The following MUC5B variants were observed in gnomAD, a reference collection of about 807,000 sequenced individuals.
The protein encoded by MUC5B is mucin 5B, oligomeric mucus/gel-forming, also known as mucin-5B.
MUC5B carries 116 observed loss-of-function variants against 376.9 expected under a neutral mutation model. The ratio of observed to expected loss-of-function variants is 0.31; its 90% CI spans 0.26 to 0.36. The LOEUF is 0.36. MUC5B is among the 10% of genes least tolerant of loss of function. The probability of loss-of-function intolerance (pLI) is 1.00; values close to 1 mark genes in which losing one functional copy is unlikely to be tolerated. For synonymous variants in MUC5B, 3,517 were observed against 3,390.9 expected (o/e 1.04, Z -1.29); for missense variants, 7,165 against 7,769.9 (o/e 0.92, Z 2.93).
intron 2 of MUC5B, 86 bp from the exon 3 acceptor site, chr11:1,226,119 G>C: frequency 7.4e-7 from 1 of 1,353,522 alleles, no homozygotes; most frequent in Non-Finnish European, 1.0e-6. Flanking sequence ...AACTCTGGTG[G>C]CTGGCGAGGA....
chr11:1,255,011 C>T (rs1421130816), intron 35 of MUC5B, 30 bp from the exon 36 acceptor site: 1 of 1,552,250 alleles, frequency 6.4e-7, no homozygotes, highest in Non-Finnish European at 8.7e-7. Flanking sequence ...TCCCCAGATT[C>T]CAGCCCCGCG....
At position 1,229,694 on chromosome 11, in the gene MUC5B, G is replaced by T. The variant is rs373789455; in HGVS notation, c.1107G>T (p.Thr369=). 6 of 1,572,318 alleles carry T rather than the reference G, an allele frequency of 3.8e-6. No homozygotes were observed. In the African/African-American group the frequency reaches 8.1e-5, roughly 21 times the overall value. Residue 369 remains threonine (T), a synonymous_variant, in exon 10 of 49, where the codon ACG becomes ACT. Transcript: ENST00000529681. Reference sequence around the variant, plus strand: ...GCCTCACGCCGCGCCCCACAGGCACGGTGCTGGATGACATCACGCACTCTG... The same window carrying T: ...GCCTCACGCCGCGCCCCACAGGCACTGTGCTGGATGACATCACGCACTCTG... The part of the protein sequence containing the change: ...CVDGCFCPPG[T]VLDDITHSGC...
chr11:1,239,284 G>A, intron 26 of MUC5B, 154 bp from the exon 27 acceptor site: 1 of 1,051,590 alleles, frequency 9.5e-7, no homozygotes, highest in Non-Finnish European at 1.3e-6. Context: ...GGAGGGGAAG[G>A]TGAGGCACCA....
chr11:1,227,141 C>T lies in MUC5B; in HGVS notation c.572C>T (p.Ala191Val). The change falls in exon 5 of 49, where the codon GCC becomes GTC. Residue 191 changes from alanine to valine, a missense_variant. Physicochemically the swap from Ala to Val is moderately conservative, Grantham distance 64. Around this residue, in one of 31 missense-constraint regions of MUC5B, gnomAD observed 640 missense variants for 733.0 expected, o/e 0.87. Transcript: ENST00000529681. ...LTFLWNGEDS[A>V]LLELDPKYAN... ...TTCCTGTGGAACGGAGAGGACAGTG[C>T]CCTGGTGAGGAAGCCCCCTCGCCCC... 1 of 1,610,478 alleles carries T rather than the reference C, an allele frequency of 6.2e-7. No homozygotes were observed. Among genetic ancestry groups the T allele is most frequent in the African/African-American group, 1.3e-5 (1 of 75,026 alleles).
chr11:1,251,865 A>G (rs183434486), intron 31 of MUC5B, 122 bp downstream of exon 31: 61 of 745,616 alleles, frequency 8.2e-5, no homozygotes, highest in Non-Finnish European at 8.6e-6. Flanking sequence ...CACTGGCCTC[A>G]CTTGGCCCCT....
rs773577375 is a variant in MUC5B, at chr11:1,246,551, C to T, written c.9671C>T (p.Ala3224Val). The T allele has an allele frequency of 2.5e-5, 40 of 1,612,822 alleles. No homozygotes were observed. The highest frequency in any genetic ancestry group is 3.3e-5 in the Non-Finnish European group (39 of 1,179,552). Reference protein sequence around the residue: ...SSPGTATALPALRSTATTPTA... With the variant: ...SSPGTATALPVLRSTATTPTA... ...CCAGGGACTGCAACCGCCCTTCCAG[C>T]ACTGAGAAGCACAGCCACCACACCC... Residue 3224 changes from alanine (A) to valine (V), a missense_variant, in exon 31 of 49, where the codon GCA becomes GTA. Coordinates refer to ENST00000529681, the MANE Select transcript of MUC5B (RefSeq NM_002458.3).
rs768703220 is a variant in MUC5B at position 1,247,505 on chromosome 11, C to G, written c.10625C>G (p.Thr3542Arg). The change falls in exon 31 of 49, where the codon ACA becomes AGA. Residue 3542 changes from threonine (T) to arginine (R), a missense_variant. This residue lies in a region of MUC5B where 939 missense variants were observed against 770.6 expected (regional missense o/e 1.22). Coordinates refer to ENST00000529681, the MANE Select transcript of MUC5B (RefSeq NM_002458.3). ...AGGGGCACCTCCAGGACCACAGCCA[C>G]AGCCACACCCAGCAAGACCCGCACC... Reference protein sequence around the residue: ...HTRGTSRTTATATPSKTRTST... With the variant: ...HTRGTSRTTARATPSKTRTST... 1.9e-6 allele frequency: 3 copies of G among 1,608,494 alleles called. No homozygotes were observed. Among genetic ancestry groups the G allele is most frequent in the Non-Finnish European group, 2.5e-6 (3 of 1,177,766 alleles).
chr11:1,251,670 A>C lies in MUC5B; in HGVS notation c.14790A>C (p.Arg4930Ser), dbSNP rs1412382132. Residue 4930 changes from arginine (R) to serine (S), a missense_variant, in exon 31 of 49, where the codon AGA becomes AGC. By Grantham distance (110) the Arg-to-Ser change is moderately radical. Transcript: ENST00000529681. ...TVSSSVLTTL[R>S]PTGFPSSHFS... is the part of the protein sequence containing the mutation. ...CCTCCTCAGTCCTCACCACCCTGAG[A>C]CCCACTGGCTTCCCCAGCTCCCACT... 2 of 1,612,880 alleles carry C rather than the reference A, an allele frequency of 1.2e-6. No individual in the cohort carries two copies. Among genetic ancestry groups the C allele is most frequent in the African/African-American group, 2.7e-5 (2 of 74,912 alleles).
rs1421119094 is a variant in MUC5B at position 1,229,990 on chromosome 11, G to C, written c.1221-15G>C. On this transcript the variant is annotated splice_polypyrimidine_tract_variant and intron_variant, in intron 10 of 48. Transcript: ENST00000529681. ...CTCCCGACATGCCGGTTCTGCTCACGGCCTCCCTCCCCAGCACCTGCTCCG... is the reference window on the plus strand; with the variant it reads ...CTCCCGACATGCCGGTTCTGCTCACCGCCTCCCTCCCCAGCACCTGCTCCG... 1.9e-6 allele frequency: 3 copies of C among 1,580,534 alleles called. No homozygotes were observed. The highest frequency in any genetic ancestry group is 1.1e-5 in the South Asian group (1 of 87,898).
Position 1,241,932 on chromosome 11 carries a change from T to C in MUC5B, c.5052T>C (p.Thr1684=). ...CGCCTGCAGGCTCCACAGAACCCAC[T>C]GTCCCAGGGGTGGCCACATCCACCC... is the stretch of plus-strand genomic sequence containing the variant. The part of the protein sequence containing the change: ...PTTPAGSTEP[T]VPGVATSTLP... Residue 1684 remains threonine, a synonymous_variant, in exon 31 of 49, where the codon ACT becomes ACC. Coordinates refer to ENST00000529681, the MANE Select transcript of MUC5B (RefSeq NM_002458.3). The C allele has an allele frequency of 6.2e-7, 1 of 1,608,484 alleles. No homozygotes were observed. Among genetic ancestry groups the C allele is most frequent in the Non-Finnish European group, 8.5e-7 (1 of 1,177,742 alleles).
At position 1,243,425 on chromosome 11, in the gene MUC5B, T is replaced by G. The variant is rs1267112071; in HGVS notation, c.6545T>G (p.Leu2182Arg). ...AACACAGTGACTCCCTCCTCTGCCC[T>G]AGGGACCACCCACACACCCCCAGTG... The part of the protein sequence containing the change: ...TSNTVTPSSA[L>R]GTTHTPPVPN... Residue 2182 changes from leucine (L) to arginine (R), a missense_variant, in exon 31 of 49, where the codon CTA (leucine) becomes CGA (arginine). Transcript: ENST00000529681. The G allele has an allele frequency of 1.3e-6, 2 of 1,493,750 alleles. No individual in the cohort carries two copies. The highest frequency in any genetic ancestry group is 2.5e-5 in the East Asian group (1 of 39,430). The allele number at this position is 1,493,750 out of a possible 1,614,324, so 92.5% of individuals were successfully genotyped here.
At chr11:1,236,042 G>A (rs990177859) in intron 23 of MUC5B, among the ~76,000 whole-genome samples, 6 of 152,222 alleles carry the variant, frequency 3.9e-5, no homozygotes, top group Non-Finnish European at 5.9e-5. Context: ...TGCAGATGGC[G>A]GGAGGGGCTG....
Position 1,255,409 on chromosome 11 carries a change from T to C in MUC5B, c.15917T>C (p.Val5306Ala), listed in dbSNP as rs760917312. ...GTCTTTGCTGAGTGCCACAACCTTGTGCCCCCGGGCCCATTCTTCAACGCC... is the reference window on the plus strand; with the variant it reads ...GTCTTTGCTGAGTGCCACAACCTTGCGCCCCCGGGCCCATTCTTCAACGCC... ...SQVFAECHNL[V>A]PPGPFFNACI... Residue 5306 changes from valine to alanine, a missense_variant, in exon 37 of 49, where the codon GTG becomes GCG. Coordinates refer to ENST00000529681, the MANE Select transcript of MUC5B (RefSeq NM_002458.3). The C allele has an allele frequency of 6.2e-7, 1 of 1,603,220 alleles. No individual in the cohort carries two copies.
chr11:1,249,634 G>C lies in MUC5B; in HGVS notation c.12754G>C (p.Glu4252Gln), dbSNP rs200110733. 2 of 1,611,504 alleles carry C rather than the reference G, an allele frequency of 1.2e-6. No homozygotes were observed. Among genetic ancestry groups the C allele is most frequent in the Admixed American group, 1.7e-5 (1 of 59,950 alleles). The part of the protein sequence containing the change: ...STPGTTWILT[E>Q]LTTTATTTAS... ...TCCGGGGACGACCTGGATCCTCACA[G>C]AGCTGACCACAACAGCCACTACGAC... The change falls in exon 31 of 49, where the codon GAG (glutamate) becomes CAG (glutamine). Residue 4252 changes from glutamate (E) to glutamine (Q), a missense_variant. Transcript: ENST00000529681.
chr11:1,252,201 C>G (rs1202409371), intron 31 of MUC5B, 142 bp from the exon 32 acceptor site: 1 of 788,350 alleles, frequency 1.3e-6, no homozygotes, highest in Non-Finnish European at 2.0e-6. Context: ...TCCCCACTGG[C>G]CACACTCAGC....
rs760674547 is a variant in MUC5B, at chr11:1,226,689, G to T, written c.274G>T (p.Val92Phe). The T allele has an allele frequency of 9.9e-6, 16 of 1,612,494 alleles. No homozygotes were observed. The highest frequency in any genetic ancestry group is 2.7e-5 in the African/African-American group (2 of 74,904). ...CCACTACAAGACCTTCGACGGCGACGTCTTCCGCTTCCCTGGCCTTTGCAA... is the reference window on the plus strand; with the variant it reads ...CCACTACAAGACCTTCGACGGCGACTTCTTCCGCTTCCCTGGCCTTTGCAA... ...DFHYKTFDGDVFRFPGLCNYV... is the reference protein window; with the variant it reads ...DFHYKTFDGDFFRFPGLCNYV... The change falls in exon 4 of 49, where the codon GTC becomes TTC. Residue 92 changes from valine to phenylalanine, a missense_variant. By Grantham distance (50) the Val-to-Phe change is conservative. Coordinates refer to ENST00000529681, the MANE Select transcript of MUC5B (RefSeq NM_002458.3).
In MUC5B at chr11:1,246,255, C is replaced by A. The variant is rs372453259; in HGVS notation, c.9375C>A (p.Pro3125=). 1.3e-5 allele frequency: 21 copies of A among 1,612,794 alleles called. No individual in the cohort carries two copies. Among genetic ancestry groups the A allele is most frequent in the Non-Finnish European group, 1.7e-5 (20 of 1,179,538 alleles). ...TTRATSSMST[P]SSTPGTTWIL... is the part of the protein sequence containing the mutation. ...GGGCCACCAGTTCCATGTCCACCCC[C>A]TCCTCCACTCCGGGGACGACCTGGA... The change falls in exon 31 of 49, where the codon CCC becomes CCA. Residue 3125 remains proline (P), a synonymous_variant. Coordinates refer to ENST00000529681, the MANE Select transcript of MUC5B (RefSeq NM_002458.3).
chr11:1,228,240 C>T (rs1861933610), intron 7 of MUC5B, among the ~76,000 whole-genome samples: 1 of 152,242 alleles, frequency 6.6e-6, no homozygotes, highest in African/African-American at 2.4e-5. Flanking sequence ...CTGGACTGCC[C>T]TGAACCTGCC....
At chr11:1,232,390 C>A in intron 15 of MUC5B, 60 bp from the exon 16 acceptor site, 4 of 1,514,500 alleles carry the variant, frequency 2.6e-6, no homozygotes, top group Non-Finnish European at 3.6e-6. Context: ...CGCAGGCCTG[C>A]GTGTCAGGGG....
Sources: gnomAD v4.1 joint callset for allele counts (sites outside exome capture counted in the v4.1 genomes callset) on GRCh38, gnomAD v4.1.1 for gene constraint, gnomAD v4.1.1 regional missense constraint, MANE v1.5 for transcripts, NCBI Gene and HGNC (gene_info 2026-07-23, HGNC 2026-07-21) for gene names.